SOX5: variants seen among roughly 807,000 people sequenced by gnomAD.
SOX5 encodes SRY-box transcription factor 5.
In SOX5, 9 loss-of-function variants were observed where a neutral mutation model predicts 92.0. The observed-to-expected ratio is 0.10, with a 90% confidence interval of 0.06 to 0.17. SOX5 has a LOEUF of 0.17. SOX5 is among the 10% of genes least tolerant of loss of function. SOX5 has a pLI of 1.00. For missense variants in SOX5, 642 were observed against 944.5 expected (o/e 0.68, Z 4.20); for synonymous variants, 344 against 336.3 (o/e 1.02, Z -0.25).
chr12:23,967,807 T>G (rs1337841411), intron 4 of SOX5, among the ~76,000 whole-genome samples: 1 of 152,220 alleles, frequency 6.6e-6, no homozygotes, highest in Non-Finnish European at 1.5e-5. Flanking sequence ...TATCCTCTGA[T>G]TGTTCTGGCT....
In SOX5 at chr12:24,026,394, T is replaced by C. The variant is rs529936605; in HGVS notation, c.-1-130370A>G. On this transcript the variant is annotated intron_variant, in intron 4 of 4. Coordinates refer to the SOX5 transcript ENST00000446891. ...TTAATAGTGGCTGAGAAAATCCCAC[T>C]GGTACTGTGGATAGAACTGGTGAGG... Among the ~76,000 whole-genome samples, 6 of 152,120 alleles carry C rather than the reference T, an allele frequency of 3.9e-5. No homozygotes were observed. The South Asian group carries it at 1.2e-3, about 31-fold the overall frequency.
intron 4 of SOX5, among the ~76,000 whole-genome samples, chr12:23,967,137 A>G (rs1265453256): frequency 6.6e-6 from 1 of 152,194 alleles, no homozygotes; most frequent in Non-Finnish European, 1.5e-5. Context: ...TAAGCATTTC[A>G]TTTATTACTC....
In SOX5 at chr12:23,577,154, C is replaced by T. The variant is rs866152590; in HGVS notation, c.1165-1316G>A. Among the ~76,000 whole-genome samples, 128 of 92,000 alleles carry T rather than the reference C, an allele frequency of 1.4e-3. 1 individual carries two copies. Among genetic ancestry groups the T allele is most frequent in the South Asian group, 3.6e-3 (10 of 2,810 alleles). 60.4% of individuals were successfully genotyped at this position (92,000 alleles called of 152,430 possible). A position where few individuals can be genotyped will look rare whatever the true frequency, so the allele number is the denominator to read the frequency against. On this transcript the variant is annotated intron_variant, in intron 9 of 14. Transcript: ENST00000451604. ...TATCAAGTTTATATATATATATACA[C>T]ACACACACACACACACACACACATA...
intron 3 of SOX5, chr12:24,213,419 T>TAAAAAAAAAAAAAAAAAA (rs67296842): frequency 1.0e-5 from 1 of 96,866 alleles, no homozygotes; most frequent in African/African-American, 4.0e-5. Context: ...CTTGAAATGC[T>TAAAAAAAAAAAAAAAAAA]AAAAAAAAAA....
At chr12:23,866,535 T>C (rs996059541) in intron 2 of SOX5, among the ~76,000 whole-genome samples, 1 of 152,216 alleles carries the variant, frequency 6.6e-6, no homozygotes. Flanking sequence ...TAACACTTCA[T>C]TTCTTGTCCA....
chr12:24,061,571 C>A (rs1191737934), intron 4 of SOX5, among the ~76,000 whole-genome samples: 1 of 151,882 alleles, frequency 6.6e-6, no homozygotes, highest in African/African-American at 2.4e-5. Context: ...CACAAAGTAC[C>A]AATGATAACG....
chr12:23,941,000 G>T (rs545276855), intron 1 of SOX5, among the ~76,000 whole-genome samples: 6 of 151,594 alleles, frequency 4.0e-5, no homozygotes, highest in Non-Finnish European at 5.9e-5. Context: ...CATGCCACAG[G>T]ATTCTGAGCT....
intron 4 of SOX5, among the ~76,000 whole-genome samples, chr12:23,999,403 T>A (rs774636726): frequency 2.6e-5 from 4 of 152,050 alleles, no homozygotes; most frequent in Non-Finnish European, 5.9e-5. Flanking sequence ...GTCACTATAG[T>A]TAATAATAAT....
chr12:23,619,563 G>C (rs1048522800), intron 8 of SOX5, among the ~76,000 whole-genome samples: 5 of 152,068 alleles, frequency 3.3e-5, no homozygotes, highest in Non-Finnish European at 5.9e-5. Flanking sequence ...ACAGTAGTAG[G>C]GTTTGTGTGC....
chr12:23,600,824 A>G (rs958529201), intron 9 of SOX5, among the ~76,000 whole-genome samples: 1 of 151,860 alleles, frequency 6.6e-6, no homozygotes, highest in Non-Finnish European at 1.5e-5. Context: ...ATTTAATATT[A>G]TAAATAATTA....
chr12:24,126,718 C>A (rs1162871499), intron 4 of SOX5, among the ~76,000 whole-genome samples: 1 of 152,108 alleles, frequency 6.6e-6, no homozygotes, highest in Non-Finnish European at 1.5e-5. Context: ...CAAATGTTTA[C>A]GGGATGCTTC....
At chr12:24,107,619 T>G (rs940666607) in intron 4 of SOX5, among the ~76,000 whole-genome samples, 2 of 140,210 alleles carry the variant, frequency 1.4e-5, no homozygotes, top group Non-Finnish European at 3.3e-5. Context: ...TTTTATTCTC[T>G]CTAAGCTAAA....
At chr12:24,503,979 A>G (rs1255961886) in intron 1 of SOX5, among the ~76,000 whole-genome samples, 1 of 152,202 alleles carries the variant, frequency 6.6e-6, no homozygotes, top group Non-Finnish European at 1.5e-5. Flanking sequence ...TAATTAAAAA[A>G]AAAACAACAC....
intron 1 of SOX5, among the ~76,000 whole-genome samples, chr12:24,484,049 A>G (rs909208370): frequency 2.6e-5 from 4 of 152,222 alleles, no homozygotes; most frequent in South Asian, 2.1e-4. Flanking sequence ...CAACGTTTAT[A>G]TTATTGATAA....
chr12:23,757,124 T>C (rs2094412186), intron 3 of SOX5, among the ~76,000 whole-genome samples: 2 of 151,950 alleles, frequency 1.3e-5, no homozygotes, highest in African/African-American at 2.4e-5. Context: ...ACATAGTCTA[T>C]ATGTATACAT....
intron 4 of SOX5, among the ~76,000 whole-genome samples, chr12:24,180,268 A>G (rs1212935343): frequency 1.3e-5 from 2 of 152,174 alleles, no homozygotes; most frequent in Non-Finnish European, 1.5e-5. Flanking sequence ...AAACCATTTT[A>G]CGGCTTCTCC....
chr12:23,929,606 CCTTT>C (rs1467148278), intron 1 of SOX5, among the ~76,000 whole-genome samples: 4 of 151,862 alleles, frequency 2.6e-5, no homozygotes, highest in Non-Finnish European at 4.4e-5. Flanking sequence ...ACAACAACAA[CCTTT>C]CTAACAAAAT....
chr12:24,343,117 T>TA (rs1952771489), intron 2 of SOX5, among the ~76,000 whole-genome samples: 1 of 152,252 alleles, frequency 6.6e-6, no homozygotes, highest in Admixed American at 6.5e-5. Context: ...ATTATGGATC[T>TA]AAAGTATCTG....
chr12:24,549,785 C>T (rs1476710514), intron 1 of SOX5, among the ~76,000 whole-genome samples: 3 of 152,104 alleles, frequency 2.0e-5, no homozygotes, highest in Admixed American at 2.0e-4. Flanking sequence ...TAGTCGCATC[C>T]ATGTGTGGTA....
Sources: gnomAD v4.1 joint callset for allele counts (sites outside exome capture counted in the v4.1 genomes callset) on GRCh38, gnomAD v4.1.1 for gene constraint, MANE v1.5 for transcripts, NCBI Gene and HGNC (gene_info 2026-07-23, HGNC 2026-07-21) for gene names.